Variants in SYNPR observed in about 807,000 individuals in gnomAD.
The protein encoded by SYNPR is synaptoporin.
In SYNPR, 23 loss-of-function variants were observed where a neutral mutation model predicts 32.9. That is an observed-to-expected ratio of 0.70 (90% CI 0.50 to 0.99). The LOEUF (loss-of-function observed/expected upper bound fraction) is 0.99, where lower values mean the gene tolerates loss of function less well. SYNPR is among the 50% of genes least tolerant of loss of function. The pLI, the probability that SYNPR is intolerant of heterozygous loss-of-function variation, is 0.00. For synonymous variants in SYNPR, 146 were observed against 135.9 expected (o/e 1.07, Z -0.52); for missense variants, 318 against 349.3 (o/e 0.91, Z 0.71).
chr3:63,300,959 C>T (rs1301688966), intron 2 of SYNPR, among the ~76,000 whole-genome samples: 1 of 151,860 alleles, frequency 6.6e-6, no homozygotes, highest in African/African-American at 2.4e-5. Context: ...ACCCTATTTT[C>T]TAAAAAAAAC....
intron 2 of SYNPR, among the ~76,000 whole-genome samples, chr3:63,394,538 T>G (rs970486007): frequency 6.6e-6 from 1 of 152,222 alleles, no homozygotes; most frequent in Non-Finnish European, 1.5e-5. Context: ...CATCTGTATT[T>G]TTTTTTCCTT....
chr3:63,270,301 A>G (rs961722133), intron 3 of SYNPR, among the ~76,000 whole-genome samples: 1 of 152,192 alleles, frequency 6.6e-6, no homozygotes, highest in African/African-American at 2.4e-5. Context: ...CTCCCCAGCT[A>G]TCAGGGAGTG....
intron 2 of SYNPR, among the ~76,000 whole-genome samples, chr3:63,400,937 A>G (rs879408995): frequency 7.2e-5 from 11 of 152,222 alleles, no homozygotes; most frequent in Non-Finnish European, 1.3e-4. Context: ...CATATGATGG[A>G]AAATCCTCTG....
intron 2 of SYNPR, among the ~76,000 whole-genome samples, chr3:63,296,306 G>A (rs182264370): frequency 6.6e-6 from 1 of 152,284 alleles, no homozygotes; most frequent in Non-Finnish European, 1.5e-5. Context: ...AACATTGTGA[G>A]GTCCATCCTT....
At chr3:63,409,422 T>C (rs1220417118) in intron 2 of SYNPR, among the ~76,000 whole-genome samples, 1 of 152,048 alleles carries the variant, frequency 6.6e-6, no homozygotes, top group Non-Finnish European at 1.5e-5. Context: ...CCAGATCACA[T>C]CTTGCTGTGC....
chr3:63,385,725 A>C (rs1343614305), intron 2 of SYNPR, among the ~76,000 whole-genome samples: 4 of 152,204 alleles, frequency 2.6e-5, no homozygotes, highest in African/African-American at 9.7e-5. Flanking sequence ...AAGGTATATA[A>C]ACTTTATGTG....
At chr3:63,231,719 A>G (rs2086168233) in intron 1 of SYNPR, among the ~76,000 whole-genome samples, 1 of 152,180 alleles carries the variant, frequency 6.6e-6, no homozygotes, top group Non-Finnish European at 1.5e-5. Context: ...CAGCACTCGA[A>G]GGAGAGAAGC....
At chr3:63,240,367 A>G (rs947614247) in intron 1 of SYNPR, among the ~76,000 whole-genome samples, 1 of 151,996 alleles carries the variant, frequency 6.6e-6, no homozygotes, top group Non-Finnish European at 1.5e-5. Context: ...TCTAGGAAAA[A>G]AAGCAAATGT....
chr3:63,420,319 T>C (rs556735763), intron 2 of SYNPR, among the ~76,000 whole-genome samples: 71 of 152,288 alleles, frequency 4.7e-4, no homozygotes, highest in African/African-American at 1.6e-3. Context: ...ATGAGGCTTA[T>C]AGCAAGGATA....
At chr3:63,360,500 G>A (rs2087642400) in intron 2 of SYNPR, among the ~76,000 whole-genome samples, 1 of 152,094 alleles carries the variant, frequency 6.6e-6, no homozygotes, top group Admixed American at 6.5e-5. Flanking sequence ...TCCCTCTAAT[G>A]ACTTTCTATT....
intron 2 of SYNPR, among the ~76,000 whole-genome samples, chr3:63,256,585 A>T (rs11720561): frequency 2.0e-5 from 3 of 152,142 alleles, no homozygotes; most frequent in Non-Finnish European, 4.4e-5. Context: ...CCATCATCAA[A>T]GACCAAATGT....
At chr3:63,222,011 A>ATTTTTTTTTTTTTTTTTTTTTTTTTTT in the SYNPR span, among the ~76,000 whole-genome samples, 147 of 56,406 alleles carry the variant, frequency 2.6e-3, 23 homozygotes, top group Non-Finnish European at 3.0e-3. Flanking sequence ...GCCATGCTCA[A>ATTTTTTTTTTTTTTTTTTTTTTTTTTT]TTTTTTTTTT....
At chr3:63,460,640 TG>T (rs1412479455) in intron 2 of SYNPR, among the ~76,000 whole-genome samples, 7 of 150,870 alleles carry the variant, frequency 4.6e-5, no homozygotes, top group Non-Finnish European at 1.0e-4. Context: ...ATTTGCTATT[TG>T]CAAAGACAAT....
At chr3:63,291,834 C>CTT (rs1389766894) in intron 2 of SYNPR, among the ~76,000 whole-genome samples, 8 of 151,726 alleles carry the variant, frequency 5.3e-5, no homozygotes, top group Non-Finnish European at 8.8e-5. Context: ...TTCTTTCTCT[C>CTT]TCTCTCTCTC....
chr3:63,461,699 G>T (rs912233056), intron 2 of SYNPR, among the ~76,000 whole-genome samples: 1 of 151,704 alleles, frequency 6.6e-6, no homozygotes, highest in South Asian at 2.1e-4. Flanking sequence ...TCTGGATTTG[G>T]CTAAGAACTC....
chr3:63,518,007 T>C (rs73831876), intron 3 of SYNPR, among the ~76,000 whole-genome samples: 1 of 152,156 alleles, frequency 6.6e-6, no homozygotes, highest in African/African-American at 2.4e-5. Flanking sequence ...ACAAACACCA[T>C]GAAAACAACT....
chr3:63,405,611 T>C (rs1453848172), intron 2 of SYNPR, among the ~76,000 whole-genome samples: 3 of 151,992 alleles, frequency 2.0e-5, no homozygotes, highest in African/African-American at 7.2e-5. Context: ...TGAAAGGTGT[T>C]GAGCAAGAGT....
At chr3:63,227,886 G>C (rs1382478440), upstream of SYNPR, among the ~76,000 whole-genome samples, 3 of 152,172 alleles carry the variant, frequency 2.0e-5, no homozygotes, top group Non-Finnish European at 4.4e-5. Flanking sequence ...AGCTCGTGCT[G>C]TCACACACAA....
intron 4 of SYNPR, among the ~76,000 whole-genome samples, chr3:63,603,264 C>T (rs1236272715): frequency 2.6e-5 from 4 of 152,164 alleles, no homozygotes; most frequent in African/African-American, 7.2e-5. Context: ...TGAGATTTTC[C>T]AGGTACAGAA....
Sources: gnomAD v4.1 joint callset for allele counts (sites outside exome capture counted in the v4.1 genomes callset) on GRCh38, gnomAD v4.1.1 for gene constraint, MANE v1.5 for transcripts, NCBI Gene and HGNC (gene_info 2026-07-23, HGNC 2026-07-21) for gene names.